Variants in CPNE4 observed in about 807,000 individuals in gnomAD.
CPNE4 encodes copine 4.
In CPNE4, 25 loss-of-function variants were observed where a neutral mutation model predicts 67.9. The ratio of observed to expected loss-of-function variants is 0.37; its 90% CI spans 0.27 to 0.51. The LOEUF (loss-of-function observed/expected upper bound fraction) is 0.51, where lower values mean the gene tolerates loss of function less well. CPNE4 is among the 20% of genes least tolerant of loss of function. The pLI is 0.93. For synonymous variants in CPNE4, 242 were observed against 244.9 expected (o/e 0.99, Z 0.11); for missense variants, 464 against 690.8 (o/e 0.67, Z 3.68).
At chr3:131,892,243 T>G (rs1314564299) in intron 2 of CPNE4, among the ~76,000 whole-genome samples, 1 of 152,110 alleles carries the variant, frequency 6.6e-6, no homozygotes, top group African/African-American at 2.4e-5. Context: ...ATAGCTGCAT[T>G]GCCACCAATG....
chr3:131,963,134 C>T (rs566948928), intron 1 of CPNE4, among the ~76,000 whole-genome samples: 12 of 152,112 alleles, frequency 7.9e-5, no homozygotes, highest in Non-Finnish European at 7.4e-5. Flanking sequence ...TTGCCTCACC[C>T]GGGAAGTGCA....
intron 7 of CPNE4, among the ~76,000 whole-genome samples, chr3:131,610,202 G>A (rs1369402963): frequency 6.6e-6 from 1 of 152,090 alleles, no homozygotes; most frequent in Non-Finnish European, 1.5e-5. Context: ...GGCAGCCATT[G>A]CTTTTTCCAT....
intron 14 of CPNE4, 78 bp downstream of exon 14, chr3:131,549,869 A>C: frequency 6.7e-7 from 1 of 1,503,092 alleles, no homozygotes; most frequent in Non-Finnish European, 9.1e-7. Context: ...TTATTGTTAG[A>C]GTGAGATGGG....
chr3:131,816,244 T>G (rs2084737592), intron 2 of CPNE4, among the ~76,000 whole-genome samples: 1 of 152,210 alleles, frequency 6.6e-6, no homozygotes. Flanking sequence ...GGGCTAAGAC[T>G]GATACTCAGA....
intron 1 of CPNE4, among the ~76,000 whole-genome samples, chr3:132,023,642 T>C (rs893831330): frequency 7.9e-5 from 12 of 151,790 alleles, no homozygotes; most frequent in Admixed American, 2.6e-4. Flanking sequence ...CACCCGCCAC[T>C]ACGCCCGGCT....
At chr3:131,824,805 G>C (rs1364091230) in intron 2 of CPNE4, among the ~76,000 whole-genome samples, 1 of 152,102 alleles carries the variant, frequency 6.6e-6, no homozygotes, top group Non-Finnish European at 1.5e-5. Context: ...TGGATCAGGG[G>C]AGTACCTTTG....
chr3:131,814,572 A>ATTTT lies in CPNE4; in HGVS notation c.180+90688_180+90691dup, dbSNP rs71136418. ...TGGAAGCATAAAATATTGAAATGCA[A>ATTTT]TTTTTTTTTTTTTTTTTTTTTTTTT... On this transcript the variant is annotated intron_variant, in intron 2 of 15. Coordinates refer to ENST00000429747, the MANE Select transcript of CPNE4 (RefSeq NM_130808.3). 4.4e-4 allele frequency among the ~76,000 whole-genome samples: 31 copies of ATTTT among 71,134 alleles called. 9 individuals carry two copies. The highest frequency in any genetic ancestry group is 7.6e-4 in the Non-Finnish European group (28 of 36,664). 46.7% of individuals were successfully genotyped at this position (71,134 alleles called of 152,430 possible). A position where few individuals can be genotyped will look rare whatever the true frequency, so the allele number is the denominator to read the frequency against.
intron 2 of CPNE4, among the ~76,000 whole-genome samples, chr3:131,849,225 G>C (rs192884413): frequency 6.6e-6 from 1 of 152,170 alleles, no homozygotes; most frequent in African/African-American, 2.4e-5. Flanking sequence ...CACTTCCTTT[G>C]TCCATAGAAT....
intron 4 of CPNE4, among the ~76,000 whole-genome samples, chr3:131,698,067 T>TA (rs370035531): frequency 6.6e-6 from 1 of 150,814 alleles, no homozygotes; most frequent in African/African-American, 2.4e-5. Context: ...CCATCTGTAC[T>TA]AAAAAAATAC....
rs1361895879 is a variant in CPNE4, at chr3:132,034,677, T to C, written c.-112A>G. 1.0e-6 allele frequency: 1 copy of C among 985,208 alleles called. No individual in the cohort carries two copies. Among genetic ancestry groups the C allele is most frequent in the Admixed American group, 6.2e-5 (1 of 16,234 alleles). The allele number at this position is 985,208 out of a possible 1,614,324, so 61.0% of individuals were successfully genotyped here. On this transcript the variant is annotated 5_prime_UTR_variant, in exon 1 of 16. Coordinates refer to ENST00000429747, the MANE Select transcript of CPNE4 (RefSeq NM_130808.3). ...GAAGTGGAGGTGGTTGGTGTGGTAGTTTTGTACTGATGTAAGGGGCGTCGC... is the reference window on the plus strand; with the variant it reads ...GAAGTGGAGGTGGTTGGTGTGGTAGCTTTGTACTGATGTAAGGGGCGTCGC...
At chr3:131,555,389 A>G (rs1282847730) in intron 12 of CPNE4, 108 bp downstream of exon 12, 1 of 899,666 alleles carries the variant, frequency 1.1e-6, no homozygotes, top group Non-Finnish European at 1.8e-6. Context: ...TGTAGGCCCT[A>G]CTGACACAGT....
At chr3:131,871,929 T>C (rs145329344) in intron 2 of CPNE4, among the ~76,000 whole-genome samples, 73 of 152,316 alleles carry the variant, frequency 4.8e-4, no homozygotes, top group African/African-American at 1.7e-3. Flanking sequence ...AGTAAGATGC[T>C]GTGGTAGATT....
chr3:131,885,114 C>T (rs548014252), intron 2 of CPNE4, among the ~76,000 whole-genome samples: 31 of 152,264 alleles, frequency 2.0e-4, no homozygotes, highest in Non-Finnish European at 3.8e-4. Context: ...TTTCTAGAGA[C>T]TTGTTGAATG....
At chr3:132,028,451 A>G (rs1300508999) in intron 1 of CPNE4, among the ~76,000 whole-genome samples, 1 of 152,154 alleles carries the variant, frequency 6.6e-6, no homozygotes, top group East Asian at 1.9e-4. Context: ...TTTTGACATA[A>G]ATGCTGTGAC....
chr3:131,682,783 A>C (rs2080790049), intron 6 of CPNE4, among the ~76,000 whole-genome samples: 1 of 152,012 alleles, frequency 6.6e-6, no homozygotes, highest in South Asian at 2.1e-4. Flanking sequence ...CAGAGCTTGG[A>C]GTCGGAAACC....
chr3:131,756,854 G>A (rs2082763548), intron 2 of CPNE4, among the ~76,000 whole-genome samples: 1 of 152,130 alleles, frequency 6.6e-6, no homozygotes, highest in African/African-American at 2.4e-5. Context: ...CATGAGGGCT[G>A]GTATTTCCCA....
intron 1 of CPNE4, among the ~76,000 whole-genome samples, chr3:131,929,510 C>G (rs1031066587): frequency 5.9e-5 from 9 of 152,102 alleles, no homozygotes. Context: ...CATAAAAAAT[C>G]AGCAGTCTCA....
intron 2 of CPNE4, among the ~76,000 whole-genome samples, chr3:131,784,984 G>C (rs1458722161): frequency 6.6e-6 from 1 of 152,052 alleles, no homozygotes; most frequent in East Asian, 1.9e-4. Context: ...CTAAATCCCA[G>C]TTGCACCTCT....
chr3:131,977,095 C>T (rs1011732017), intron 1 of CPNE4, among the ~76,000 whole-genome samples: 3 of 152,154 alleles, frequency 2.0e-5, no homozygotes, highest in Non-Finnish European at 2.9e-5. Flanking sequence ...CCACTGAGCC[C>T]AGCCACATTA....
Sources: allele counts gnomAD v4.1 joint callset (sites outside exome capture counted in the v4.1 genomes callset), GRCh38; gene constraint gnomAD v4.1.1; transcripts MANE v1.5; gene names NCBI Gene and HGNC (gene_info 2026-07-23, HGNC 2026-07-21).